SHCBP1: variants seen among roughly 807,000 people sequenced by gnomAD.
SHCBP1 encodes SHC binding and spindle associated 1.
In SHCBP1, 60 loss-of-function variants were observed where a neutral mutation model predicts 75.1. The ratio of observed to expected loss-of-function variants is 0.80; its 90% CI spans 0.65 to 0.99. The LOEUF (loss-of-function observed/expected upper bound fraction) is 0.99, where lower values mean the gene tolerates loss of function less well. Among genes scored for constraint, SHCBP1 ranks in the 50% least tolerant of loss-of-function variants. The pLI, the probability that SHCBP1 is intolerant of heterozygous loss-of-function variation, is 0.00. For missense variants in SHCBP1, 709 were observed against 809.4 expected, an observed-to-expected ratio of 0.88 and a Z score of 1.50; for synonymous variants, 290 against 293.2, an observed-to-expected ratio of 0.99 and a Z score of 0.11.
rs1164022488 is a variant in SHCBP1 at position 46,591,847 on chromosome 16, AG to A, written c.1464+3704del. On this transcript the variant is annotated intron_variant, in intron 10 of 12. Coordinates refer to ENST00000303383, the MANE Select transcript of SHCBP1 (RefSeq NM_024745.5). ...ATGAAACTGGAATTCAACAACAGAA[AG>A]ATAATAGTAAAACTCCAAATATTTA... Among the ~76,000 whole-genome samples, 7 of 152,280 alleles carry A rather than the reference AG, an allele frequency of 4.6e-5. No individual in the cohort carries two copies. The South Asian group carries it at 1.2e-3, about 27-fold the overall frequency.
intron 10 of SHCBP1, among the ~76,000 whole-genome samples, chr16:46,587,736 T>C (rs960853711): frequency 6.6e-6 from 1 of 152,058 alleles, no homozygotes; most frequent in Non-Finnish European, 1.5e-5. Context: ...CACCCCACTG[T>C]CAACATTAGA....
At chr16:46,594,119 A>G (rs969238788) in intron 10 of SHCBP1, among the ~76,000 whole-genome samples, 2 of 152,326 alleles carry the variant, frequency 1.3e-5, no homozygotes, top group East Asian at 3.9e-4. Context: ...AAAATGGATC[A>G]CAACCTTATG....
intron 10 of SHCBP1, among the ~76,000 whole-genome samples, chr16:46,590,135 G>C (rs1164812091): frequency 1.3e-5 from 2 of 152,152 alleles, no homozygotes; most frequent in Non-Finnish European, 2.9e-5. Flanking sequence ...AGCTGAAACT[G>C]GATCCCTTCC....
chr16:46,617,523 T>G, intron 3 of SHCBP1, 111 bp downstream of exon 3: 1 of 740,966 alleles, frequency 1.3e-6, no homozygotes, highest in Non-Finnish European at 2.1e-6. Context: ...AAAAACATGC[T>G]ATTTGAATCA....
At chr16:46,588,460 A>C (rs868385876) in intron 10 of SHCBP1, among the ~76,000 whole-genome samples, 2 of 152,228 alleles carry the variant, frequency 1.3e-5, no homozygotes, top group Non-Finnish European at 2.9e-5. Flanking sequence ...GAAGAATCAA[A>C]TAGATGCAAT....
chr16:46,595,429 G>T, intron 10 of SHCBP1, 123 bp downstream of exon 10: 1 of 808,704 alleles, frequency 1.2e-6, no homozygotes, highest in Non-Finnish European at 2.1e-6. Flanking sequence ...GAGTTTGACT[G>T]ACTTGGTAGA....
At chr16:46,610,708 G>A (rs909900678) in intron 4 of SHCBP1, among the ~76,000 whole-genome samples, 4 of 151,216 alleles carry the variant, frequency 2.6e-5, no homozygotes, top group African/African-American at 7.3e-5. Flanking sequence ...ACAGGCACGC[G>A]CTACCACGCC....
At chr16:46,618,126 A>T in intron 2 of SHCBP1, 79 bp downstream of exon 2, 1 of 1,401,410 alleles carries the variant, frequency 7.1e-7, no homozygotes, top group Non-Finnish European at 9.6e-7. Context: ...CGGTGAGCCG[A>T]GATCGCACCA....
Position 46,615,950 on chromosome 16 carries a change from C to T in SHCBP1, c.592G>A (p.Val198Ile), listed in dbSNP as rs1965490289. ...FDQTALAIEH[V>I]RFFYQNIWRS... ...TTTCTCAACTTCTTTTCCTACCTGA[C>T]ATGCTCAATTGCAAGGGCTGTCTGG... Residue 198 changes from valine (V) to isoleucine (I), a missense_variant, in exon 4 of 13, where the codon GTC becomes ATC. Val to Ile is a conservative substitution (Grantham distance 29, BLOSUM62 3). Transcript: ENST00000303383. The T allele has an allele frequency of 1.9e-6, 3 of 1,614,138 alleles. No individual in the cohort carries two copies. Among genetic ancestry groups the T allele is most frequent in the Non-Finnish European group, 2.5e-6 (3 of 1,180,014 alleles).
chr16:46,614,773 G>C (rs1362145230), intron 4 of SHCBP1, among the ~76,000 whole-genome samples: 1 of 152,110 alleles, frequency 6.6e-6, no homozygotes, highest in African/African-American at 2.4e-5. Flanking sequence ...CTGTACTCTT[G>C]TATTGAAATA....
chr16:46,615,945 C>A lies in SHCBP1; in HGVS notation c.596+1G>T. 6.2e-7 allele frequency: 1 copy of A among 1,614,068 alleles called. No homozygotes were observed. The highest frequency in any genetic ancestry group is 8.5e-7 in the Non-Finnish European group (1 of 1,179,964). ...TTATTTTTCTCAACTTCTTTTCCTA[C>A]CTGACATGCTCAATTGCAAGGGCTG... is the stretch of plus-strand genomic sequence containing the variant. On this transcript the variant is annotated splice_donor_variant, in intron 4 of 12. Coordinates refer to ENST00000303383, the MANE Select transcript of SHCBP1 (RefSeq NM_024745.5). LOFTEE classifies it high-confidence loss of function.
intron 10 of SHCBP1, among the ~76,000 whole-genome samples, chr16:46,593,880 G>A (rs969632583): frequency 3.3e-5 from 5 of 152,120 alleles, no homozygotes; most frequent in Admixed American, 6.6e-5. Context: ...ATGATCTTTC[G>A]TGGATATAGA....
rs1373167560 is a variant in SHCBP1, at chr16:46,583,657, C to T, written c.1552G>A (p.Asp518Asn). 3 of 1,597,742 alleles carry T rather than the reference C, an allele frequency of 1.9e-6. No homozygotes were observed. The highest frequency in any genetic ancestry group is 2.5e-6 in the Non-Finnish European group (3 of 1,176,542). ...HHCKEGILIK[D>N]FLDEHYDIPK... ...ATGTCATAATGTTCATCTAAGAAGT[C>T]CTGTGACATTGAAAACAAATGTTTT... Residue 518 changes from aspartate (D) to asparagine (N), a missense_variant and splice_region_variant, in exon 12 of 13, where the codon GAC (aspartate) becomes AAC (asparagine). By Grantham distance (23) the Asp-to-Asn change is conservative. Coordinates refer to ENST00000303383, the MANE Select transcript of SHCBP1 (RefSeq NM_024745.5).
At chr16:46,586,847 T>C (rs543510320) in intron 10 of SHCBP1, among the ~76,000 whole-genome samples, 1 of 151,946 alleles carries the variant, frequency 6.6e-6, no homozygotes, top group African/African-American at 2.4e-5. Flanking sequence ...CTATAACCAG[T>C]GAAAATATTC....
In SHCBP1 at chr16:46,582,044, C is replaced by T. The variant is rs146087840; in HGVS notation, c.1704G>A (p.Ala568=). Residue 568 remains alanine, a synonymous_variant, in exon 13 of 13, where the codon GCG becomes GCA. Transcript: ENST00000303383. Reference sequence around the variant, plus strand: ...GCTCTCCACTTGTCTGAATTTTAAGCGCTTTATTTTCTGGAGAAACAAACA... The same window carrying T: ...GCTCTCCACTTGTCTGAATTTTAAGTGCTTTATTTTCTGGAGAAACAAACA... ...NAEDGTEENK[A]LKIQTSGEPD... is the part of the protein sequence containing the mutation. 146 of 1,595,338 alleles carry T rather than the reference C, an allele frequency of 9.2e-5. No individual in the cohort carries two copies. Among genetic ancestry groups the T allele is most frequent in the Non-Finnish European group, 1.2e-4 (141 of 1,172,848 alleles).
At chr16:46,594,042 G>A (rs1965094290) in intron 10 of SHCBP1, among the ~76,000 whole-genome samples, 1 of 152,092 alleles carries the variant, frequency 6.6e-6, no homozygotes, top group South Asian at 2.1e-4. Flanking sequence ...ACACAGATTA[G>A]TGAAACAGAA....
At position 46,604,308 on chromosome 16, in the gene SHCBP1, G is replaced by A. The variant is rs779801439; in HGVS notation, c.843C>T (p.Ser281=). 6.2e-7 allele frequency: 1 copy of A among 1,614,132 alleles called. No individual in the cohort carries two copies. The highest frequency in any genetic ancestry group is 1.1e-5 in the South Asian group (1 of 91,086). ...AATACAATTTTAACCCTTCCACCAT[G>A]GAGATATTTTCCTGCTCGGAATCAG... is the stretch of plus-strand genomic sequence containing the variant. ...CNSDSEQENI[S]MVEGLKLYSE... is the part of the protein sequence containing the mutation. The change falls in exon 6 of 13, where the codon TCC becomes TCT. Residue 281 remains serine (S), a synonymous_variant. Coordinates refer to ENST00000303383, the MANE Select transcript of SHCBP1 (RefSeq NM_024745.5).
Position 46,600,140 on chromosome 16 carries a change from TC to T in SHCBP1, c.1214-179del, listed in dbSNP as rs1173021292. Among the ~76,000 whole-genome samples the T allele has an allele frequency of 1.6e-4, 25 of 152,302 alleles. No individual in the cohort carries two copies. In the East Asian group the frequency reaches 4.8e-3, roughly 29 times the overall value. The stretch of plus-strand genomic sequence containing the variant: ...ATCCTGTTTAATTTAAATCAGGGTA[TC>T]CAATTTTTAACAATAACAACTCTCT... On this transcript the variant is annotated intron_variant, in intron 8 of 12. Transcript: ENST00000303383.
intron 7 of SHCBP1, 127 bp downstream of exon 7, chr16:46,603,848 C>G (rs1965281399): frequency 7.5e-7 from 1 of 1,328,084 alleles, no homozygotes; most frequent in Non-Finnish European, 1.0e-6. Flanking sequence ...AGGCAGGGCT[C>G]TCACTACTTC....
Sources: gnomAD v4.1 joint callset for allele counts (sites outside exome capture counted in the v4.1 genomes callset) on GRCh38, gnomAD v4.1.1 for gene constraint, MANE v1.5 for transcripts, NCBI Gene and HGNC (gene_info 2026-07-23, HGNC 2026-07-21) for gene names.